The following SIPA1L2 variants were observed in gnomAD, a reference collection of about 807,000 sequenced individuals.
SIPA1L2 encodes the protein signal induced proliferation associated 1 like 2.
SIPA1L2 carries 56 observed loss-of-function variants against 163.9 expected under a neutral mutation model. That is an observed-to-expected ratio of 0.34 (90% CI 0.28 to 0.43). The LOEUF (loss-of-function observed/expected upper bound fraction) is 0.43, where lower values mean the gene tolerates loss of function less well. Ranked by LOEUF, SIPA1L2 falls within the 20% of genes least tolerant of loss-of-function variation. SIPA1L2 has a pLI of 1.00. For synonymous variants in SIPA1L2, 877 were observed against 865.7 expected, an observed-to-expected ratio of 1.01 and a Z score of -0.23; for missense variants, 1,974 against 2,193.5, an observed-to-expected ratio of 0.90 and a Z score of 2.00.
At chr1:232,574,090 T>A (rs191861357) in intron 2 of SIPA1L2, among the ~76,000 whole-genome samples, 84 bp downstream of exon 2, 2 of 152,060 alleles carry the variant, frequency 1.3e-5, no homozygotes, top group Admixed American at 1.3e-4. Flanking sequence ...AACAATCTTT[T>A]AAAAAAAATT....
At position 232,445,754 on chromosome 1, in the gene SIPA1L2, A is replaced by G; in HGVS notation, c.3128T>C (p.Val1043Ala). The G allele has an allele frequency of 6.2e-7, 1 of 1,613,546 alleles. No individual in the cohort carries two copies. Among genetic ancestry groups the G allele is most frequent in the Non-Finnish European group, 8.5e-7 (1 of 1,179,910 alleles). ...GCSELCRIPM[V>A]EYKLDSEGTP... Reference sequence around the variant, plus strand: ...GCCCTCGCTGTCGAGTTTATATTCCACCATAGGGATCCGGCAGAGCTCTGA... The same window carrying G: ...GCCCTCGCTGTCGAGTTTATATTCCGCCATAGGGATCCGGCAGAGCTCTGA... The change falls in exon 11 of 23, where the codon GTG becomes GCG. Residue 1043 changes from valine (V) to alanine (A), a missense_variant. This residue lies in a region of SIPA1L2 where 1,079 missense variants were observed against 1,150.7 expected (regional missense o/e 0.94). Coordinates refer to ENST00000674635, the MANE Select transcript of SIPA1L2 (RefSeq NM_020808.5).
chr1:232,600,194 C>T (rs893840868), intron 1 of SIPA1L2, among the ~76,000 whole-genome samples: 1 of 151,966 alleles, frequency 6.6e-6, no homozygotes, highest in Admixed American at 6.6e-5. Flanking sequence ...AGCAAGTTTG[C>T]TTTTTCAAAT....
chr1:232,401,682 A>T (rs1660349797), intron 22 of SIPA1L2, among the ~76,000 whole-genome samples: 2 of 152,118 alleles, frequency 1.3e-5, no homozygotes, highest in African/African-American at 4.8e-5. Context: ...TCAGAACTCC[A>T]CCCACTTGCT....
At chr1:232,480,300 A>G (rs536058875) in intron 6 of SIPA1L2, among the ~76,000 whole-genome samples, 1 of 152,310 alleles carries the variant, frequency 6.6e-6, no homozygotes, top group South Asian at 2.1e-4. Flanking sequence ...GTTATTTTGA[A>G]TATGTCTTTC....
intron 1 of SIPA1L2, among the ~76,000 whole-genome samples, chr1:232,599,512 AATTCCAG>A (rs1440186376): frequency 6.6e-6 from 1 of 151,630 alleles, no homozygotes; most frequent in Non-Finnish European, 1.5e-5. Flanking sequence ...ATGTGTTTCC[AATTCCAG>A]GAGAAACCCA....
rs567626564 is a variant in SIPA1L2, at chr1:232,437,672, A to G, written c.4031+1436T>C. On this transcript the variant is annotated intron_variant, in intron 15 of 22. Transcript: ENST00000674635. ...ACCCCCAGCCCAGGCTGAGGGCCCC[A>G]AGTGCCGTAGACGATGCTACCCCCT... is the stretch of plus-strand genomic sequence containing the variant. Among the ~76,000 whole-genome samples the G allele has an allele frequency of 6.9e-4, 105 of 152,172 alleles. No homozygotes were observed. The Middle Eastern group carries it at 0.014, about 20-fold the overall frequency.
rs181393009 is a variant in SIPA1L2, at chr1:232,478,660, T to C, written c.2085+967A>G. ...ATCAGTTAAGTGACATTCAGAGAAC[T>C]GTCTCCTAAATGTGAAAACAAACTT... is the stretch of plus-strand genomic sequence containing the variant. On this transcript the variant is annotated intron_variant, in intron 7 of 22. Coordinates refer to ENST00000674635, the MANE Select transcript of SIPA1L2 (RefSeq NM_020808.5). 8.7e-3 allele frequency among the ~76,000 whole-genome samples: 1,322 copies of C among 152,352 alleles called. 15 individuals carry two copies. The highest frequency in any genetic ancestry group is 0.012 in the Non-Finnish European group (850 of 68,040).
intron 15 of SIPA1L2, among the ~76,000 whole-genome samples, chr1:232,435,102 C>T (rs773394936): frequency 3.3e-5 from 5 of 152,076 alleles, no homozygotes; most frequent in African/African-American, 4.8e-5. Context: ...GGATGATCCC[C>T]GAGATGTTTC....
chr1:232,477,443 C>T (rs545761282), intron 7 of SIPA1L2, among the ~76,000 whole-genome samples: 1 of 152,310 alleles, frequency 6.6e-6, no homozygotes, highest in South Asian at 2.1e-4. Flanking sequence ...ATTATTCATT[C>T]AACAAATGTT....
intron 18 of SIPA1L2, among the ~76,000 whole-genome samples, chr1:232,419,579 C>T (rs567705563): frequency 6.6e-6 from 1 of 152,176 alleles, no homozygotes; most frequent in Admixed American, 6.5e-5. Context: ...TTGAGTGTGG[C>T]ATCTCGCCAT....
chr1:232,490,270 A>C (rs1665859765), intron 5 of SIPA1L2, among the ~76,000 whole-genome samples: 1 of 152,076 alleles, frequency 6.6e-6, no homozygotes, highest in Admixed American at 6.6e-5. Flanking sequence ...AATTCTATCC[A>C]AGTCCAAAGG....
chr1:232,473,150 C>G (rs1664880671), intron 7 of SIPA1L2, among the ~76,000 whole-genome samples: 1 of 152,188 alleles, frequency 6.6e-6, no homozygotes, highest in Non-Finnish European at 1.5e-5. Context: ...TCAGTGAAAA[C>G]TATCTTTGGC....
chr1:232,541,935 A>ATCTCTCTCTCTCTCTC (rs59407464), intron 2 of SIPA1L2, among the ~76,000 whole-genome samples: 3,963 of 148,230 alleles, frequency 0.027, 177 homozygotes, highest in African/African-American at 0.092. Flanking sequence ...TGAGCCTTAA[A>ATCTCTCTCTCTCTCTC]TCTCTCTCTC....
intron 3 of SIPA1L2, among the ~76,000 whole-genome samples, chr1:232,494,046 T>A (rs1206775347): frequency 1.3e-5 from 2 of 152,196 alleles, no homozygotes; most frequent in Non-Finnish European, 2.9e-5. Flanking sequence ...GGGAAAGTCA[T>A]CATCTTTTAC....
At chr1:232,420,006 T>C (rs1339437838) in intron 18 of SIPA1L2, among the ~76,000 whole-genome samples, 1 of 152,152 alleles carries the variant, frequency 6.6e-6, no homozygotes, top group East Asian at 1.9e-4. Flanking sequence ...GGTGTTGGTC[T>C]GAGAGGGGTT....
chr1:232,483,641 T>C (rs1665481533), intron 6 of SIPA1L2, 151 bp downstream of exon 6: 1 of 761,364 alleles, frequency 1.3e-6, no homozygotes, highest in Non-Finnish European at 2.1e-6. Flanking sequence ...CCTTTGTTCA[T>C]CTGAGGAAAT....
intron 3 of SIPA1L2, among the ~76,000 whole-genome samples, chr1:232,499,266 T>C (rs181650418): frequency 1.3e-5 from 2 of 152,276 alleles, no homozygotes; most frequent in Non-Finnish European, 2.9e-5. Context: ...CGAGACAGGC[T>C]GAAAGCTAGG....
chr1:232,541,262 A>AT (rs111897617), intron 2 of SIPA1L2, among the ~76,000 whole-genome samples: 57 of 93,974 alleles, frequency 6.1e-4, no homozygotes, highest in African/African-American at 2.0e-3. Context: ...ATAACATAAC[A>AT]TAACATAACA....
At chr1:232,578,394 G>T (rs531146152) in intron 1 of SIPA1L2, among the ~76,000 whole-genome samples, 1 of 151,598 alleles carries the variant, frequency 6.6e-6, no homozygotes, top group South Asian at 2.1e-4. Context: ...ATACATTACT[G>T]AACTATAAAA....
Sources: gnomAD v4.1 joint callset for allele counts (sites outside exome capture counted in the v4.1 genomes callset) on GRCh38, gnomAD v4.1.1 for gene constraint, gnomAD v4.1.1 regional missense constraint, MANE v1.5 for transcripts, NCBI Gene and HGNC (gene_info 2026-07-23, HGNC 2026-07-21) for gene names.